The following XRN2 variants were observed in gnomAD, a reference collection of about 807,000 sequenced individuals.
XRN2 encodes 5'-3' exoribonuclease 2, also known as DHM1-like protein.
XRN2 carries 44 observed loss-of-function variants against 138.5 expected under a neutral mutation model. That is an observed-to-expected ratio of 0.32 (90% CI 0.25 to 0.41). The LOEUF is 0.41. XRN2 is among the 10% of genes least tolerant of loss of function. The pLI is 1.00. For synonymous variants in XRN2, 354 were observed against 369.4 expected (o/e 0.96, Z 0.48); for missense variants, 937 against 1,169.3 (o/e 0.80, Z 2.90).
intron 26 of XRN2, among the ~76,000 whole-genome samples, chr20:21,367,054 A>C (rs2038712967): frequency 6.6e-6 from 1 of 152,064 alleles, no homozygotes; most frequent in Admixed American, 6.6e-5. Context: ...CAGTCTCTTA[A>C]ATTTTTGTTT....
At chr20:21,384,963 CAGA>C (rs2038922734) in intron 28 of XRN2, among the ~76,000 whole-genome samples, 1 of 152,104 alleles carries the variant, frequency 6.6e-6, no homozygotes, top group African/African-American at 2.4e-5. Context: ...TCATAAAAGT[CAGA>C]AGAAGGTAGT....
chr20:21,341,591 C>G (rs937714743), intron 15 of XRN2, among the ~76,000 whole-genome samples: 4 of 152,186 alleles, frequency 2.6e-5, no homozygotes, highest in Admixed American at 1.3e-4. Flanking sequence ...TCAGAATACC[C>G]AGTGGGACAG....
At chr20:21,331,399 TCACACACACA>T (rs71806398) in intron 6 of XRN2, among the ~76,000 whole-genome samples, 152 bp from the exon 7 acceptor site, 281 of 144,050 alleles carry the variant, frequency 2.0e-3, no homozygotes, top group African/African-American at 6.3e-3. Context: ...TTGGTGTTTT[TCACACACACA>T]CACACACACA....
At chr20:21,367,760 GAA>G (rs2038719647) in intron 26 of XRN2, among the ~76,000 whole-genome samples, 1 of 152,226 alleles carries the variant, frequency 6.6e-6, no homozygotes, top group African/African-American at 2.4e-5. Context: ...AGCAGTAAAA[GAA>G]ATGCAGATTT....
intron 27 of XRN2, among the ~76,000 whole-genome samples, chr20:21,378,015 G>A (rs943668659): frequency 3.3e-5 from 5 of 152,174 alleles, no homozygotes; most frequent in South Asian, 2.1e-4. Flanking sequence ...TTCAGGAACC[G>A]CTGATACTGA....
chr20:21,353,492 T>C (rs1014491658), intron 20 of XRN2, among the ~76,000 whole-genome samples: 4 of 150,744 alleles, frequency 2.7e-5, no homozygotes, highest in Non-Finnish European at 5.9e-5. Flanking sequence ...CTTTTTAACT[T>C]AAAAAGAAAA....
In XRN2 at chr20:21,346,127, G is replaced by A. The variant is rs190630332; in HGVS notation, c.1530-288G>A. Among the ~76,000 whole-genome samples the A allele has an allele frequency of 2.9e-3, 438 of 152,230 alleles. 1 individual carries two copies. Among genetic ancestry groups the A allele is most frequent in the African/African-American group, 0.01 (422 of 41,542 alleles). Reference sequence around the variant, plus strand: ...CATATAAAGTAGTATTAAAATTTGAGCAAATGTGTTCTGTATCTTTTTCAA... The same window carrying A: ...CATATAAAGTAGTATTAAAATTTGAACAAATGTGTTCTGTATCTTTTTCAA... On this transcript the variant is annotated intron_variant, in intron 16 of 29. Coordinates refer to ENST00000377191, the MANE Select transcript of XRN2 (RefSeq NM_012255.5).
intron 24 of XRN2, among the ~76,000 whole-genome samples, chr20:21,364,318 A>G (rs919208882): frequency 2.0e-5 from 3 of 152,198 alleles, no homozygotes; most frequent in South Asian, 2.1e-4. Context: ...TAATAGTGTT[A>G]TAAGTATCCT....
intron 3 of XRN2, among the ~76,000 whole-genome samples, chr20:21,327,157 G>A (rs1374014562): frequency 2.0e-5 from 3 of 152,144 alleles, no homozygotes; most frequent in African/African-American, 7.2e-5. Context: ...AACTACAGGT[G>A]GTTTGAATTG....
At chr20:21,320,291 T>TATTTATTTATC (rs2038020796) in intron 1 of XRN2, among the ~76,000 whole-genome samples, 4 of 30,888 alleles carry the variant, frequency 1.3e-4, no homozygotes. Context: ...ATTTATTTAT[T>TATTTATTTATC]TATGTATTTA....
chr20:21,340,296 AAAAT>A (rs2038354595), intron 14 of XRN2, among the ~76,000 whole-genome samples: 1 of 152,188 alleles, frequency 6.6e-6, no homozygotes, highest in African/African-American at 2.4e-5. Context: ...CTCTGTCTCA[AAAAT>A]AAATAAATAA....
intron 1 of XRN2, among the ~76,000 whole-genome samples, chr20:21,310,500 T>A (rs1484308833): frequency 6.6e-6 from 1 of 152,210 alleles, no homozygotes; most frequent in Non-Finnish European, 1.5e-5. Flanking sequence ...CATAAATGCT[T>A]AACATTGTTC....
chr20:21,305,411 G>C (rs1488935011), intron 1 of XRN2, among the ~76,000 whole-genome samples: 1 of 151,842 alleles, frequency 6.6e-6, no homozygotes, highest in Non-Finnish European at 1.5e-5. Context: ...GGTGTGCGCC[G>C]CCACGCCCAG....
In XRN2 at chr20:21,308,497, G is replaced by T. The variant is rs544590781; in HGVS notation, c.75+5024G>T. On this transcript the variant is annotated intron_variant, in intron 1 of 29. Coordinates refer to ENST00000377191, the MANE Select transcript of XRN2 (RefSeq NM_012255.5). Reference sequence around the variant, plus strand: ...TCAGCAGCATATCAGGGTTCCAGTTGCTCAACTTCCTCACCAACACTTGAT... The same window carrying T: ...TCAGCAGCATATCAGGGTTCCAGTTTCTCAACTTCCTCACCAACACTTGAT... Among the ~76,000 whole-genome samples, 8 of 152,222 alleles carry T rather than the reference G, an allele frequency of 5.3e-5. 1 individual carries two copies. The East Asian group carries it at 1.5e-3, about 29-fold the overall frequency.
chr20:21,316,738 T>C (rs1316510918), intron 1 of XRN2, among the ~76,000 whole-genome samples: 1 of 152,250 alleles, frequency 6.6e-6, no homozygotes, highest in Non-Finnish European at 1.5e-5. Context: ...ATTGTCATCT[T>C]AATGTTGAGT....
intron 8 of XRN2, 36 bp from the exon 9 acceptor site, chr20:21,332,247 T>A: frequency 6.3e-7 from 1 of 1,596,924 alleles, no homozygotes; most frequent in Non-Finnish European, 8.5e-7. Flanking sequence ...CTCAGAATAC[T>A]CACTGTTCGA....
intron 26 of XRN2, 116 bp from the exon 27 acceptor site, chr20:21,368,347 T>G: frequency 7.7e-7 from 1 of 1,291,736 alleles, no homozygotes. Context: ...TGTATTATCT[T>G]AATCAGATCT....
chr20:21,326,238 C>T (rs1271172493), intron 1 of XRN2, 41 bp from the exon 2 acceptor site: 34 of 1,593,844 alleles, frequency 2.1e-5, no homozygotes, highest in Non-Finnish European at 2.8e-5. Context: ...CATTTTTAGA[C>T]TTGAACAATC....
At chr20:21,309,579 G>T (rs1046665959) in intron 1 of XRN2, among the ~76,000 whole-genome samples, 1 of 151,998 alleles carries the variant, frequency 6.6e-6, no homozygotes, top group Non-Finnish European at 1.5e-5. Context: ...GCTGTCGTTA[G>T]TATTAGTGGC....
Sources: gnomAD v4.1 joint callset for allele counts (sites outside exome capture counted in the v4.1 genomes callset) on GRCh38, gnomAD v4.1.1 for gene constraint, MANE v1.5 for transcripts, NCBI Gene and HGNC (gene_info 2026-07-23, HGNC 2026-07-21) for gene names.